Variants in TMCC1 observed in about 807,000 individuals in gnomAD.
The protein encoded by TMCC1 is transmembrane and coiled-coil domain family 1, also known as transmembrane and coiled-coil domains protein 1.
In TMCC1, 15 loss-of-function variants were observed where a neutral mutation model predicts 52.4. That is an observed-to-expected ratio of 0.29 (90% CI 0.19 to 0.44). TMCC1 has a LOEUF of 0.44. TMCC1 is among the 20% of genes least tolerant of loss of function. The probability of loss-of-function intolerance (pLI) is 1.00; values close to 1 mark genes in which losing one functional copy is unlikely to be tolerated. For missense variants in TMCC1, 503 were observed against 806.0 expected (o/e 0.62, Z 4.55); for synonymous variants, 279 against 301.9 (o/e 0.92, Z 0.79).
intron 1 of TMCC1, among the ~76,000 whole-genome samples, chr3:129,887,548 A>G (rs2061770891): frequency 6.6e-6 from 1 of 151,732 alleles, no homozygotes. Flanking sequence ...CTCTCAAAAA[A>G]AAAAAAAAAA....
chr3:129,853,146 A>C (rs2059990813), intron 2 of TMCC1, among the ~76,000 whole-genome samples: 1 of 152,150 alleles, frequency 6.6e-6, no homozygotes, highest in Non-Finnish European at 1.5e-5. Context: ...GTGCCACTGC[A>C]CTCTAGCCTG....
chr3:129,849,790 G>T (rs1343177351), intron 2 of TMCC1, among the ~76,000 whole-genome samples: 1 of 149,386 alleles, frequency 6.7e-6, no homozygotes, highest in Non-Finnish European at 1.5e-5. Context: ...AATAAAAAAA[G>T]TATCTCTACA....
chr3:129,673,122 T>C (rs2088102437), intron 4 of TMCC1, among the ~76,000 whole-genome samples: 1 of 152,138 alleles, frequency 6.6e-6, no homozygotes, highest in African/African-American at 2.4e-5. Flanking sequence ...AAAGAGAATA[T>C]CTGGAATAGT....
At chr3:129,796,519 C>T (rs577709387) in intron 4 of TMCC1, among the ~76,000 whole-genome samples, 7 of 152,184 alleles carry the variant, frequency 4.6e-5, no homozygotes, top group Middle Eastern at 3.4e-3. Flanking sequence ...AGTAATTTCT[C>T]GCTCTAAAAC....
At chr3:129,864,135 C>CT (rs1379398546) in intron 2 of TMCC1, among the ~76,000 whole-genome samples, 3 of 152,074 alleles carry the variant, frequency 2.0e-5, no homozygotes, top group Admixed American at 6.6e-5. Context: ...TATATTTTCC[C>CT]TTTTTTTCAC....
chr3:129,781,530 C>T (rs949111029), intron 4 of TMCC1, among the ~76,000 whole-genome samples: 1 of 152,128 alleles, frequency 6.6e-6, no homozygotes, highest in Non-Finnish European at 1.5e-5. Flanking sequence ...TTAAATACAA[C>T]TTAGTTTTAT....
chr3:129,828,577 CCA>C lies in TMCC1; in HGVS notation c.-130-71_-130-70del. Reference sequence around the variant, plus strand: ...TATATTATAAATCCATGCAGAAACTCCAGTGTTAAAACAAAGAAAAACATGCT... The same window carrying C: ...TATATTATAAATCCATGCAGAAACTCGTGTTAAAACAAAGAAAAACATGCT... On this transcript the variant is annotated intron_variant, in intron 3 of 6. Coordinates refer to ENST00000393238, the MANE Select transcript of TMCC1 (RefSeq NM_001017395.5). This position sits in a 1 kb window ranked among gnomAD's most constrained non-coding sequence, Gnocchi z 4.1. 1 of 529,926 alleles carries C rather than the reference CCA, an allele frequency of 1.9e-6. No homozygotes were observed. Among genetic ancestry groups the C allele is most frequent in the South Asian group, 3.1e-5 (1 of 31,958 alleles). The allele number at this position is 529,926 out of a possible 1,614,324, so 32.8% of individuals were successfully genotyped here.
intron 4 of TMCC1, among the ~76,000 whole-genome samples, chr3:129,753,378 C>T (rs181964989): frequency 8.8e-4 from 134 of 152,196 alleles, no homozygotes; most frequent in African/African-American, 3.0e-3. Context: ...TTTTCACACT[C>T]GACATCGTAA....
At chr3:129,862,872 C>G (rs903058745) in intron 2 of TMCC1, among the ~76,000 whole-genome samples, 25 of 152,224 alleles carry the variant, frequency 1.6e-4, no homozygotes, top group African/African-American at 6.0e-4. Flanking sequence ...AAATCTAGTC[C>G]CTCTGCACCT....
intron 4 of TMCC1, among the ~76,000 whole-genome samples, chr3:129,712,675 AC>A (rs894774086): frequency 3.3e-5 from 5 of 151,516 alleles, no homozygotes; most frequent in African/African-American, 1.2e-4. Flanking sequence ...CTGGTCTTGA[AC>A]CCCTGGGCTC....
intron 4 of TMCC1, among the ~76,000 whole-genome samples, chr3:129,735,912 G>T (rs190846907): frequency 6.6e-6 from 1 of 152,264 alleles, no homozygotes; most frequent in Admixed American, 6.5e-5. Flanking sequence ...GAACATGGTA[G>T]AAGCCTGCTG....
intron 4 of TMCC1, among the ~76,000 whole-genome samples, chr3:129,774,132 A>G (rs2054832572): frequency 6.6e-6 from 1 of 152,192 alleles, no homozygotes; most frequent in African/African-American, 2.4e-5. Flanking sequence ...AATGTAGCCA[A>G]TTCTAGGTCT....
At chr3:129,811,263 A>AGATTTTT in intron 4 of TMCC1, among the ~76,000 whole-genome samples, 1 of 3,400 alleles carries the variant, frequency 2.9e-4, no homozygotes, top group African/African-American at 3.6e-4. Flanking sequence ...TTCATTTTAT[A>AGATTTTT]TATTATTTTT....
chr3:129,773,962 A>C (rs2107708995), intron 4 of TMCC1, among the ~76,000 whole-genome samples: 1 of 152,338 alleles, frequency 6.6e-6, no homozygotes, highest in East Asian at 1.9e-4. Context: ...AAATTTAAAA[A>C]ATTATTATAT....
chr3:129,685,764 C>T (rs535015427), intron 4 of TMCC1, among the ~76,000 whole-genome samples: 11 of 152,322 alleles, frequency 7.2e-5, no homozygotes, highest in African/African-American at 2.4e-4. Context: ...CAAAAGGCTA[C>T]TTGACTATAT....
At chr3:129,654,874 T>C (rs1237296220) in intron 6 of TMCC1, 94 bp downstream of exon 6, 1 of 1,514,268 alleles carries the variant, frequency 6.6e-7, no homozygotes, top group Non-Finnish European at 8.9e-7. Context: ...TTTTCTTTGT[T>C]CTCTACCTTC....
intron 4 of TMCC1, among the ~76,000 whole-genome samples, chr3:129,824,773 G>A (rs2058585257): frequency 6.6e-6 from 1 of 152,152 alleles, no homozygotes; most frequent in Non-Finnish European, 1.5e-5. Flanking sequence ...TTCATAGTAG[G>A]TGTCAGCCAC....
rs2087828352 is a variant in TMCC1, at chr3:129,670,425, G to A, written c.1416C>T (p.Thr472=). ...LLHEIQEIRE[T]QARLEESFET... ...CAAAGGATTCCTCTAGTCTGGCCTG[G>A]GTTTCCCGGATCTCCTGGATCTCAT... Residue 472 remains threonine (T), a synonymous_variant, in exon 5 of 7, where the codon ACC becomes ACT. Coordinates refer to ENST00000393238, the MANE Select transcript of TMCC1 (RefSeq NM_001017395.5). 1.2e-6 allele frequency: 2 copies of A among 1,614,140 alleles called. No homozygotes were observed. Among genetic ancestry groups the A allele is most frequent in the Non-Finnish European group, 1.7e-6 (2 of 1,180,010 alleles).
At chr3:129,824,395 T>C (rs987256820) in intron 4 of TMCC1, among the ~76,000 whole-genome samples, 1 of 152,168 alleles carries the variant, frequency 6.6e-6, no homozygotes, top group Admixed American at 6.5e-5. Context: ...CCTATGATAT[T>C]ACACTTTGCA....
Sources: gnomAD v4.1 joint callset for allele counts (sites outside exome capture counted in the v4.1 genomes callset) on GRCh38, gnomAD v4.1.1 for gene constraint, Gnocchi (gnomAD v3.1) non-coding constraint, MANE v1.5 for transcripts, NCBI Gene and HGNC (gene_info 2026-07-23, HGNC 2026-07-21) for gene names.